TTC28: variants seen among roughly 807,000 people sequenced by gnomAD.
TTC28 encodes tetratricopeptide repeat domain 28.
Under a neutral mutation model 198.0 loss-of-function variants are expected in TTC28, and 61 were observed. The ratio of observed to expected loss-of-function variants is 0.31; its 90% CI spans 0.25 to 0.38. The LOEUF (loss-of-function observed/expected upper bound fraction) is 0.38, where lower values mean the gene tolerates loss of function less well. TTC28 is among the 10% of genes least tolerant of loss of function. The pLI, the probability that TTC28 is intolerant of heterozygous loss-of-function variation, is 1.00. For missense variants in TTC28, 2,678 were observed against 3,164.0 expected (o/e 0.85, Z 3.69); for synonymous variants, 1,171 against 1,297.8 (o/e 0.90, Z 2.10).
chr22:28,083,897 C>A (rs754344369), intron 12 of TTC28, among the ~76,000 whole-genome samples: 1 of 152,246 alleles, frequency 6.6e-6, no homozygotes, highest in Non-Finnish European at 1.5e-5. Context: ...CCTACGCCCA[C>A]GGAGCCTCGC....
At chr22:28,424,655 C>A (rs1410971657) in intron 2 of TTC28, among the ~76,000 whole-genome samples, 1 of 152,134 alleles carries the variant, frequency 6.6e-6, no homozygotes, top group Admixed American at 6.5e-5. Flanking sequence ...AAAGTTCTTA[C>A]TATTTGGCTT....
At chr22:28,485,559 A>G (rs2048305272) in intron 2 of TTC28, among the ~76,000 whole-genome samples, 1 of 152,120 alleles carries the variant, frequency 6.6e-6, no homozygotes, top group Non-Finnish European at 1.5e-5. Context: ...CACAGCATTG[A>G]TATGGGAGAT....
intron 2 of TTC28, among the ~76,000 whole-genome samples, chr22:28,379,449 G>C (rs1269548530): frequency 1.3e-5 from 2 of 152,146 alleles, no homozygotes; most frequent in Non-Finnish European, 2.9e-5. Context: ...GTTTTCAAAA[G>C]AAAGGAAAAT....
At chr22:28,151,804 C>T (rs556258539) in intron 6 of TTC28, among the ~76,000 whole-genome samples, 2 of 152,240 alleles carry the variant, frequency 1.3e-5, no homozygotes, top group African/African-American at 4.8e-5. Context: ...GTTTCAGGGC[C>T]TGTGATATCT....
At chr22:28,392,581 T>C (rs2046747096) in intron 2 of TTC28, among the ~76,000 whole-genome samples, 1 of 152,200 alleles carries the variant, frequency 6.6e-6, no homozygotes, top group African/African-American at 2.4e-5. Flanking sequence ...AAGCGCAGTA[T>C]TCGGGTGGGA....
chr22:28,276,222 A>G (rs1932415625), intron 5 of TTC28, among the ~76,000 whole-genome samples: 2 of 152,000 alleles, frequency 1.3e-5, no homozygotes, highest in South Asian at 4.2e-4. Context: ...CATGTTGCCC[A>G]GGCTGCTCTC....
At chr22:28,423,210 T>G (rs1207038653) in intron 2 of TTC28, among the ~76,000 whole-genome samples, 1 of 152,022 alleles carries the variant, frequency 6.6e-6, no homozygotes, top group Non-Finnish European at 1.5e-5. Context: ...ACCAACATGG[T>G]GAAACCCCGT....
chr22:28,055,983 T>A (rs1940271043), intron 12 of TTC28, among the ~76,000 whole-genome samples: 1 of 152,210 alleles, frequency 6.6e-6, no homozygotes, highest in African/African-American at 2.4e-5. Flanking sequence ...TAGTTCATTC[T>A]TTCTTATTTT....
chr22:28,289,999 A>G (rs539914075), intron 5 of TTC28, among the ~76,000 whole-genome samples: 1 of 152,204 alleles, frequency 6.6e-6, no homozygotes, highest in East Asian at 1.9e-4. Flanking sequence ...ACTCCAGCCT[A>G]GGCGACAGAG....
At position 28,642,205 on chromosome 22, in the gene TTC28, T is replaced by G. The variant is rs2051378802; in HGVS notation, c.103-12375A>C. 2.0e-5 allele frequency among the ~76,000 whole-genome samples: 3 copies of G among 151,014 alleles called. 1 individual carries two copies. The highest frequency in any genetic ancestry group is 2.0e-4 in the Admixed American group (3 of 15,174). ...TAGAAAAATAAAATCATTTTTAAAT[T>G]TGATTAATAAAAAAAAAAAAAAGTA... On this transcript the variant is annotated intron_variant, in intron 1 of 22. Transcript: ENST00000397906.
chr22:28,164,610 A>G (rs135655), intron 5 of TTC28, among the ~76,000 whole-genome samples: 3,157 of 152,304 alleles, frequency 0.021, 33 homozygotes, highest in Non-Finnish European at 0.027. Flanking sequence ...AAACTAACAA[A>G]CAGAAAGGAC....
At chr22:28,558,825 G>A (rs1280597117) in intron 2 of TTC28, among the ~76,000 whole-genome samples, 1 of 152,138 alleles carries the variant, frequency 6.6e-6, no homozygotes, top group African/African-American at 2.4e-5. Flanking sequence ...GAGGTCAGGA[G>A]ATCAAAACAG....
At chr22:28,262,456 A>G (rs2147302027) in intron 5 of TTC28, among the ~76,000 whole-genome samples, 1 of 152,274 alleles carries the variant, frequency 6.6e-6, no homozygotes, top group Non-Finnish European at 1.5e-5. Context: ...AAAGCAATAT[A>G]TTCATCATCC....
intron 4 of TTC28, 83 bp downstream of exon 4, chr22:28,297,497 A>G: frequency 6.9e-7 from 1 of 1,445,058 alleles, no homozygotes; most frequent in Non-Finnish European, 9.3e-7. Context: ...ATCACTTTTC[A>G]TTGCATATTA....
intron 1 of TTC28, among the ~76,000 whole-genome samples, chr22:28,677,189 T>G (rs1221017718): frequency 9.2e-6 from 1 of 109,184 alleles, no homozygotes; most frequent in Non-Finnish European, 1.9e-5. Flanking sequence ...TATATATATA[T>G]ATATATATAT....
chr22:28,582,099 T>C (rs1478216001), intron 2 of TTC28, among the ~76,000 whole-genome samples: 1 of 152,182 alleles, frequency 6.6e-6, no homozygotes, highest in African/African-American at 2.4e-5. Flanking sequence ...TAGATAATAA[T>C]AGACGATTAC....
intron 5 of TTC28, among the ~76,000 whole-genome samples, chr22:28,286,004 T>A (rs1262165335): frequency 4.2e-5 from 6 of 142,860 alleles, no homozygotes; most frequent in Non-Finnish European, 7.7e-5. Context: ...AGATTATTAA[T>A]TTTTTTTTTT....
chr22:28,424,645 A>G (rs925450560), intron 2 of TTC28, among the ~76,000 whole-genome samples: 1 of 152,178 alleles, frequency 6.6e-6, no homozygotes, highest in African/African-American at 2.4e-5. Context: ...TGTTTCCAGT[A>G]AAGTTCTTAC....
At chr22:28,154,502 C>T (rs941353030) in intron 6 of TTC28, among the ~76,000 whole-genome samples, 3 of 151,956 alleles carry the variant, frequency 2.0e-5, no homozygotes, top group East Asian at 1.9e-4. Context: ...AGGCGCCTGC[C>T]GCCACGCCCA....
Sources: allele counts gnomAD v4.1 joint callset (sites outside exome capture counted in the v4.1 genomes callset), GRCh38; gene constraint gnomAD v4.1.1; transcripts MANE v1.5; gene names NCBI Gene and HGNC (gene_info 2026-07-23, HGNC 2026-07-21).